The following FNDC5 variants were observed in gnomAD, a reference collection of about 807,000 sequenced individuals.
FNDC5 encodes fibronectin type III domain-containing protein 5.
In FNDC5, 10 loss-of-function variants were observed where a neutral mutation model predicts 24.6. The observed-to-expected ratio is 0.41, with a 90% CI of 0.25 to 0.69. The LOEUF (loss-of-function observed/expected upper bound fraction) is 0.69, where lower values mean the gene tolerates loss of function less well. FNDC5 is among the 30% of genes least tolerant of loss of function. The probability of loss-of-function intolerance (pLI) is 0.34; values close to 1 mark genes in which losing one functional copy is unlikely to be tolerated. For synonymous variants in FNDC5, 90 were observed against 110.7 expected (o/e 0.81, Z 1.18); for missense variants, 226 against 282.9 (o/e 0.80, Z 1.44).
chr1:32,871,945 A>T (rs1053690894), upstream of FNDC5, among the ~76,000 whole-genome samples: 2 of 151,904 alleles, frequency 1.3e-5, no homozygotes, highest in Admixed American at 1.3e-4. Context: ...AGAACCCCTG[A>T]GCCCCCTCCC....
chr1:32,863,552 T>G lies in FNDC5; in HGVS notation c.*742A>C, dbSNP rs1641002448. 3 of 501,986 alleles carry G rather than the reference T, an allele frequency of 6.0e-6. No homozygotes were observed. In the Middle Eastern group the frequency reaches 2.4e-3, roughly 399 times the overall value. The allele number at this position is 501,986 out of a possible 1,614,324, so 31.1% of individuals were successfully genotyped here. ...AGGCCTTTTAGTTTTGTGGCTTATT[T>G]TTATTTTTTTGCAGAATTTGGGTTT... On this transcript the variant is annotated 3_prime_UTR_variant, in exon 6 of 6. Transcript: ENST00000373471.
chr1:32,866,159 G>T (rs564387444), intron 4 of FNDC5, among the ~76,000 whole-genome samples: 10 of 152,108 alleles, frequency 6.6e-5, no homozygotes, highest in African/African-American at 2.2e-4. Flanking sequence ...TCACAATTTT[G>T]GGTTAATTCG....
At chr1:32,864,618 G>A (rs748046461) in intron 5 of FNDC5, 46 bp downstream of exon 5, 4 of 1,612,552 alleles carry the variant, frequency 2.5e-6, no homozygotes, top group Admixed American at 1.7e-5. Context: ...GATTACCAGA[G>A]CATGAGGCAC....
intron 4 of FNDC5, among the ~76,000 whole-genome samples, chr1:32,865,280 G>A (rs1157268260): frequency 6.6e-6 from 1 of 151,586 alleles, no homozygotes; most frequent in Non-Finnish European, 1.5e-5. Flanking sequence ...TGTATTTTTA[G>A]TAGAGACGGG....
chr1:32,864,487 C>T, intron 5 of FNDC5, 177 bp downstream of exon 5: 2 of 1,479,634 alleles, frequency 1.4e-6, no homozygotes, highest in Non-Finnish European at 1.8e-6. Flanking sequence ...TGGCACCCTG[C>T]AAAAGGAGAG....
rs1474514410 is a variant in FNDC5, at chr1:32,863,461, G to T, written c.*833C>A. ...GTGCATTTTCTCAAAGAGGAAGCCAGTCCAGGAGAGGCGAGGAGGCAGAAG... is the reference window on the plus strand; with the variant it reads ...GTGCATTTTCTCAAAGAGGAAGCCATTCCAGGAGAGGCGAGGAGGCAGAAG... On this transcript the variant is annotated 3_prime_UTR_variant, in exon 6 of 6. Transcript: ENST00000373471. 4 of 319,118 alleles carry T rather than the reference G, an allele frequency of 1.3e-5. No individual in the cohort carries two copies. The highest frequency in any genetic ancestry group is 2.5e-5 in the Non-Finnish European group (4 of 160,944). 19.8% of individuals were successfully genotyped at this position (319,118 alleles called of 1,614,324 possible).
At chr1:32,871,569 C>A (rs972124159), upstream of FNDC5, among the ~76,000 whole-genome samples, 4 of 152,350 alleles carry the variant, frequency 2.6e-5, no homozygotes, top group Admixed American at 2.6e-4. Context: ...GCTTAATTCT[C>A]AGGGCAACCC....
At position 32,863,476 on chromosome 1, in the gene FNDC5, G is replaced by T; in HGVS notation, c.*818C>A. ...GAGGAAGCCAGTCCAGGAGAGGCGA[G>T]GAGGCAGAAGGCTGTGTCTCATGCA... On this transcript the variant is annotated 3_prime_UTR_variant, in exon 6 of 6. Coordinates refer to ENST00000373471, the MANE Select transcript of FNDC5 (RefSeq NM_153756.3). 3.0e-6 allele frequency: 1 copy of T among 328,044 alleles called. No individual in the cohort carries two copies. The highest frequency in any genetic ancestry group is 2.6e-5 in the South Asian group (1 of 38,258). 20.3% of individuals were successfully genotyped at this position (328,044 alleles called of 1,614,324 possible).
In FNDC5 at chr1:32,868,515, C is replaced by T. The variant is rs999456378; in HGVS notation, c.211-127G>A. ...ATTCCATCACCTCCGCTATCAATAT[C>T]TCCATTTTACAGGGAAGGAAACAGG... On this transcript the variant is annotated intron_variant, in intron 2 of 5. Transcript: ENST00000373471. The surrounding 1 kb of genome is among the most constrained non-coding windows in gnomAD (Gnocchi z 4.8). 4.6e-6 allele frequency: 5 copies of T among 1,083,080 alleles called. No homozygotes were observed. In the African/African-American group the frequency reaches 7.9e-5, roughly 17 times the overall value. The allele number at this position is 1,083,080 out of a possible 1,614,324, so 67.1% of individuals were successfully genotyped here.
Position 32,864,108 on chromosome 1 carries a change from T to A in FNDC5, c.*186A>T. On this transcript the variant is annotated 3_prime_UTR_variant, in exon 6 of 6. Transcript: ENST00000373471. ...TTGAGGTGCTTCTGGAGATGGGAGT[T>A]AATAAGAGGCTTCAGGAAAGTGCGC... The A allele has an allele frequency of 6.6e-7, 1 of 1,506,362 alleles. No homozygotes were observed. The highest frequency in any genetic ancestry group is 8.9e-7 in the Non-Finnish European group (1 of 1,128,090). The allele number at this position is 1,506,362 out of a possible 1,614,324, so 93.3% of individuals were successfully genotyped here.
At chr1:32,867,036 G>A (rs1641083817) in intron 4 of FNDC5, among the ~76,000 whole-genome samples, 1 of 152,130 alleles carries the variant, frequency 6.6e-6, no homozygotes, top group African/African-American at 2.4e-5. Context: ...GCTGCAGTGA[G>A]CTATGATTGC....
chr1:32,867,634 C>CT, intron 4 of FNDC5, 119 bp downstream of exon 4: 1 of 926,056 alleles, frequency 1.1e-6, no homozygotes, highest in Non-Finnish European at 1.6e-6. Flanking sequence ...GACTTGGAGA[C>CT]TTTTCACCTT....
rs113173936 is a variant in FNDC5, at chr1:32,867,896, T to C, written c.410-54A>G. Reference sequence around the variant, plus strand: ...ACTCCTTTCCTCCCTCAGCCACTCCTCTAGGGCCAAGCCCAAGACAACAGT... The same window carrying C: ...ACTCCTTTCCTCCCTCAGCCACTCCCCTAGGGCCAAGCCCAAGACAACAGT... On this transcript the variant is annotated intron_variant, in intron 3 of 5. Coordinates refer to ENST00000373471, the MANE Select transcript of FNDC5 (RefSeq NM_153756.3). 3,539 of 1,556,076 alleles carry C rather than the reference T, an allele frequency of 2.3e-3. 69 individuals are homozygous for C. The African/African-American group carries it at 0.041, about 18-fold the overall frequency.
chr1:32,864,937 G>C, intron 4 of FNDC5, 140 bp from the exon 5 acceptor site: 2 of 1,313,516 alleles, frequency 1.5e-6, no homozygotes, highest in Non-Finnish European at 2.1e-6. Context: ...CTGCCCTCTG[G>C]CTCCTGTTTT....
At chr1:32,870,603 C>G (rs980479227) in intron 1 of FNDC5, 50 bp downstream of exon 1, 80 of 1,122,454 alleles carry the variant, frequency 7.1e-5, no homozygotes, top group Non-Finnish European at 8.5e-5. Flanking sequence ...GGTAGCTGGG[C>G]TCGAGAGGAG....
At position 32,863,431 on chromosome 1, in the gene FNDC5, G is replaced by A; in HGVS notation, c.*863C>T. 3.5e-6 allele frequency: 1 copy of A among 287,170 alleles called. No homozygotes were observed. Among genetic ancestry groups the A allele is most frequent in the East Asian group, 8.1e-5 (1 of 12,420 alleles). 17.8% of individuals were successfully genotyped at this position (287,170 alleles called of 1,614,324 possible). A position where few individuals can be genotyped will look rare whatever the true frequency, so the allele number is the denominator to read the frequency against. The stretch of plus-strand genomic sequence containing the variant: ...GTCCTTGTGCTTGTCATCTCCCAGG[G>A]CTTTGTGCATTTTCTCAAAGAGGAA... On this transcript the variant is annotated 3_prime_UTR_variant, in exon 6 of 6. Transcript: ENST00000373471.
Position 32,863,574 on chromosome 1 carries a change from G to A in FNDC5, c.*720C>T. 1 of 647,416 alleles carries A rather than the reference G, an allele frequency of 1.5e-6. No homozygotes were observed. The highest frequency in any genetic ancestry group is 3.5e-5 in the Admixed American group (1 of 28,310). The allele number at this position is 647,416 out of a possible 1,614,324, so 40.1% of individuals were successfully genotyped here. On this transcript the variant is annotated 3_prime_UTR_variant, in exon 6 of 6. Transcript: ENST00000373471. ...ATTTTTATTTTTTTGCAGAATTTGG[G>A]TTTGTAGTGCAGCCTCCTTCATCTG...
At position 32,864,770 on chromosome 1, in the gene FNDC5, T is replaced by C. The variant is rs781443548; in HGVS notation, c.527A>G (p.Tyr176Cys). The C allele has an allele frequency of 9.3e-6, 15 of 1,614,088 alleles. No individual in the cohort carries two copies. The highest frequency in any genetic ancestry group is 1.7e-5 in the Admixed American group (1 of 60,018). The change falls in exon 5 of 6, where the codon TAT (tyrosine) becomes TGT (cysteine). Residue 176 changes from tyrosine (Y) to cysteine (C), a missense_variant. Tyr to Cys is a radical substitution (Grantham distance 194). Coordinates refer to ENST00000373471, the MANE Select transcript of FNDC5 (RefSeq NM_153756.3). ...GGGTTCATTGTCCTTGATGATGTCA[T>C]ACTGGCGGCAGAAGAGGGCAATGAC...
In FNDC5 at chr1:32,863,646, C is replaced by T; in HGVS notation, c.*648G>A. 1.7e-6 allele frequency: 2 copies of T among 1,210,848 alleles called. No homozygotes were observed. Among genetic ancestry groups the T allele is most frequent in the Non-Finnish European group, 2.2e-6 (2 of 904,218 alleles). The allele number at this position is 1,210,848 out of a possible 1,614,324, so 75.0% of individuals were successfully genotyped here. A position where few individuals can be genotyped will look rare whatever the true frequency, so the allele number is the denominator to read the frequency against. On this transcript the variant is annotated 3_prime_UTR_variant, in exon 6 of 6. Coordinates refer to ENST00000373471, the MANE Select transcript of FNDC5 (RefSeq NM_153756.3). ...AACTGTGCAGCTAGCTGTGCCTCCT[C>T]CCCACTGCTGCAGTTGTCCCTCTCC...
Sources: allele counts gnomAD v4.1 joint callset (sites outside exome capture counted in the v4.1 genomes callset), GRCh38; gene constraint gnomAD v4.1.1; non-coding constraint Gnocchi (gnomAD v3.1); transcripts MANE v1.5; gene names NCBI Gene and HGNC (gene_info 2026-07-23, HGNC 2026-07-21).